The following ITGAE variants were observed in gnomAD, a reference collection of about 807,000 sequenced individuals.
The protein encoded by ITGAE is integrin subunit alpha E, also known as integrin alpha-E.
Under a neutral mutation model 136.5 loss-of-function variants are expected in ITGAE, and 99 were observed. That is an observed-to-expected ratio of 0.73 (90% CI 0.62 to 0.86). The LOEUF is 0.86. ITGAE is among the 40% of genes least tolerant of loss of function. The probability of loss-of-function intolerance (pLI) is 0.00; values close to 1 mark genes in which losing one functional copy is unlikely to be tolerated. For missense variants in ITGAE, 1,447 were observed against 1,515.3 expected (o/e 0.95, Z 0.75); for synonymous variants, 613 against 591.8 (o/e 1.04, Z -0.52).
intron 19 of ITGAE, among the ~76,000 whole-genome samples, chr17:3,741,125 TGGA>T (rs1476235754): frequency 7.3e-6 from 1 of 136,744 alleles, no homozygotes; most frequent in Non-Finnish European, 1.5e-5. Flanking sequence ...TCGCCCAGGC[TGGA>T]GTGCAGTGGC....
chr17:3,752,612 C>T lies in ITGAE; in HGVS notation c.1668+678G>A, dbSNP rs561493942. 9.7e-4 allele frequency among the ~76,000 whole-genome samples: 147 copies of T among 151,948 alleles called. 2 individuals are homozygous for T. The highest frequency in any genetic ancestry group is 3.4e-3 in the African/African-American group (142 of 41,438). On this transcript the variant is annotated intron_variant, in intron 14 of 30. Transcript: ENST00000263087. ...CTCTACTAAAATTACAAAAATTAGC[C>T]GGGTGTAGTGGCACATGCCTGTAAT...
chr17:3,742,647 T>C (rs1433753158), intron 19 of ITGAE, among the ~76,000 whole-genome samples: 1 of 152,056 alleles, frequency 6.6e-6, no homozygotes, highest in African/African-American at 2.4e-5. Flanking sequence ...AAATTTATTT[T>C]ATTTTTTATT....
rs777190956 is a variant in ITGAE, at chr17:3,763,872, C to T, written c.244G>A (p.Val82Ile). Residue 82 changes from valine (V) to isoleucine (I), a missense_variant, in exon 3 of 31, where the codon GTA becomes ATA. Val to Ile is a conservative substitution (Grantham distance 29). Transcript: ENST00000263087. Reference sequence around the variant, plus strand: ...CCTGGAGTTGGGGCTGACTTACCTACAGGATGGCAAAGGATTTCATCCTGG... The same window carrying T: ...CCTGGAGTTGGGGCTGACTTACCTATAGGATGGCAAAGGATTTCATCCTGG... Reference protein sequence around the residue: ...LVQDEILCHPVEHVPIPKGRH... With the variant: ...LVQDEILCHPIEHVPIPKGRH... 6.8e-6 allele frequency: 11 copies of T among 1,613,280 alleles called. No homozygotes were observed. The highest frequency in any genetic ancestry group is 1.1e-5 in the South Asian group (1 of 91,070).
At chr17:3,796,922 C>A (rs1051054850) in intron 1 of ITGAE, among the ~76,000 whole-genome samples, 1 of 152,114 alleles carries the variant, frequency 6.6e-6, no homozygotes, top group Admixed American at 6.6e-5. Flanking sequence ...GGTCCCGACA[C>A]CCCGCCCAGA....
At chr17:3,796,170 C>CTGTGTGT (rs2053095672) in intron 1 of ITGAE, among the ~76,000 whole-genome samples, 3 of 127,040 alleles carry the variant, frequency 2.4e-5, no homozygotes, top group South Asian at 2.5e-4. Context: ...TGTGTGCATC[C>CTGTGTGT]GTGTGTGTGT....
rs527504283 is a variant in ITGAE, at chr17:3,733,044, C to T, written c.2656-578G>A. 4.4e-4 allele frequency among the ~76,000 whole-genome samples: 67 copies of T among 152,264 alleles called. 1 individual carries two copies. In the South Asian group the frequency reaches 6.8e-3, roughly 16 times the overall value. On this transcript the variant is annotated intron_variant, in intron 21 of 30. Transcript: ENST00000263087. ...TTTCGCCCAAGCTGCAGTGAAGTGG[C>T]GCGATCTCGGCTCACTGCAACCTCC...
chr17:3,728,417 AGGCT>A (rs1567515613), intron 24 of ITGAE: 3 of 393,998 alleles, frequency 7.6e-6, no homozygotes, highest in Non-Finnish European at 1.3e-5. Flanking sequence ...TCTGTTGCCC[AGGCT>A]GGAGTGCAGT....
Position 3,798,229 on chromosome 17 carries a change from G to A in ITGAE, c.34+2882C>T, listed in dbSNP as rs1402750074. On this transcript the variant is annotated intron_variant, in intron 1 of 30. Transcript: ENST00000263087. This position sits in a 1 kb window ranked among gnomAD's most constrained non-coding sequence, Gnocchi z 4.3. ...AGTGCCCCTTCCCTACCCCCGTGCT[G>A]TGACACCCTGCCGGGGCCGGGGAGG... is the stretch of plus-strand genomic sequence containing the variant. Among the ~76,000 whole-genome samples, 1 of 152,166 alleles carries A rather than the reference G, an allele frequency of 6.6e-6. No individual in the cohort carries two copies. The highest frequency in any genetic ancestry group is 2.4e-5 in the African/African-American group (1 of 41,438).
chr17:3,717,167 C>CCGTG, intron 29 of ITGAE: 1 of 178,118 alleles, frequency 5.6e-6, no homozygotes, highest in Non-Finnish European at 1.2e-5. Flanking sequence ...GTCCCTGAGC[C>CCGTG]CCGTGCCTAT....
chr17:3,784,296 G>C (rs2052734537), intron 1 of ITGAE: 1 of 356,810 alleles, frequency 2.8e-6, no homozygotes. Context: ...AAAAATAAAA[G>C]CAGACCAAAA....
intron 1 of ITGAE, among the ~76,000 whole-genome samples, chr17:3,793,973 C>T (rs912050630): frequency 2.3e-4 from 19 of 81,198 alleles, no homozygotes; most frequent in African/African-American, 8.5e-4. Flanking sequence ...CCTCTTCATC[C>T]TTTTTTTTTT....
rs1033224736 is a variant in ITGAE at position 3,736,830 on chromosome 17, C to T, written c.2523-1881G>A. Among the ~76,000 whole-genome samples, 14 of 151,972 alleles carry T rather than the reference C, an allele frequency of 9.2e-5. No homozygotes were observed. In the East Asian group the frequency reaches 2.5e-3, roughly 27 times the overall value. ...TGCTGGGATTACAGGCGTGAGCCAC[C>T]ACGCCCGGCCTAGGAAGTAATGTGA... is the stretch of plus-strand genomic sequence containing the variant. On this transcript the variant is annotated intron_variant, in intron 20 of 30. Transcript: ENST00000263087.
At chr17:3,759,962 A>C (rs1245246763) in intron 7 of ITGAE, among the ~76,000 whole-genome samples, 1 of 152,202 alleles carries the variant, frequency 6.6e-6, no homozygotes, top group Non-Finnish European at 1.5e-5. Flanking sequence ...CAAGTAAGTG[A>C]GGTCATCTTA....
intron 5 of ITGAE, 69 bp downstream of exon 5, chr17:3,761,334 G>A (rs1044585723): frequency 1.3e-6 from 2 of 1,544,500 alleles, no homozygotes; most frequent in Middle Eastern, 1.7e-4. Context: ...CCGTGAGCTG[G>A]TGCCTTTTCT....
chr17:3,770,657 C>G (rs867566245), intron 2 of ITGAE, among the ~76,000 whole-genome samples: 19 of 152,350 alleles, frequency 1.2e-4, no homozygotes, highest in African/African-American at 4.3e-4. Context: ...TCAGGCCCCA[C>G]TCTCTGCAGC....
intron 2 of ITGAE, among the ~76,000 whole-genome samples, chr17:3,764,923 T>C (rs968110941): frequency 1.3e-5 from 2 of 151,968 alleles, no homozygotes; most frequent in African/African-American, 2.4e-5. Flanking sequence ...GGGGTTGTCA[T>C]AGGGGATGGT....
chr17:3,790,121 T>TTCA (rs2052902882), intron 1 of ITGAE, among the ~76,000 whole-genome samples: 1 of 152,266 alleles, frequency 6.6e-6, no homozygotes, highest in South Asian at 2.1e-4. Context: ...GGCCCAAGAC[T>TTCA]ACATTTCCAA....
chr17:3,725,274 T>G (rs1213913104), intron 26 of ITGAE: 3 of 1,614,194 alleles, frequency 1.9e-6, no homozygotes, highest in Admixed American at 1.7e-5. Context: ...GCTAAGCCCC[T>G]TAAACACTCT....
At chr17:3,746,824 C>T (rs1209726593) in intron 17 of ITGAE, among the ~76,000 whole-genome samples, 1 of 152,192 alleles carries the variant, frequency 6.6e-6, no homozygotes, top group African/African-American at 2.4e-5. Context: ...ATCTCCTGAC[C>T]TCGTGATCTG....
Sources: allele counts gnomAD v4.1 joint callset (sites outside exome capture counted in the v4.1 genomes callset), GRCh38; gene constraint gnomAD v4.1.1; non-coding constraint Gnocchi (gnomAD v3.1); transcripts MANE v1.5; gene names NCBI Gene and HGNC (gene_info 2026-07-23, HGNC 2026-07-21).